Variants in DAB1 observed in about 807,000 individuals in gnomAD.
DAB1 encodes the protein disabled homolog 1.
In DAB1, 15 loss-of-function variants were observed where a neutral mutation model predicts 64.6. The observed-to-expected ratio is 0.23, with a 90% confidence interval of 0.16 to 0.36. The LOEUF (loss-of-function observed/expected upper bound fraction) is 0.36, where lower values mean the gene tolerates loss of function less well. Among genes scored for constraint, DAB1 ranks in the 10% least tolerant of loss-of-function variants. DAB1 has a pLI of 1.00. For missense variants in DAB1, 596 were observed against 706.7 expected, an observed-to-expected ratio of 0.84 and a Z score of 1.78; for synonymous variants, 235 against 251.9, an observed-to-expected ratio of 0.93 and a Z score of 0.64.
intron 4 of DAB1, among the ~76,000 whole-genome samples, chr1:58,210,685 T>C (rs1658509754): frequency 6.6e-6 from 1 of 152,206 alleles, no homozygotes; most frequent in South Asian, 2.1e-4. Flanking sequence ...CCATAATTGC[T>C]TTTTTTCCAG....
intron 4 of DAB1, among the ~76,000 whole-genome samples, chr1:57,073,620 G>A (rs1280779387): frequency 6.6e-6 from 1 of 152,082 alleles, no homozygotes; most frequent in African/African-American, 2.4e-5. Flanking sequence ...CAGGAGGCCT[G>A]AATTCCAGCT....
chr1:57,202,063 C>G (rs115293644), intron 2 of DAB1, among the ~76,000 whole-genome samples: 2 of 152,130 alleles, frequency 1.3e-5, no homozygotes, highest in Non-Finnish European at 1.5e-5. Flanking sequence ...CATATTTCTG[C>G]CAAGCAGAGG....
At chr1:57,950,755 A>G (rs188076338) in intron 5 of DAB1, among the ~76,000 whole-genome samples, 2 of 152,226 alleles carry the variant, frequency 1.3e-5, no homozygotes, top group Middle Eastern at 3.4e-3. Context: ...CTCCTCTTCA[A>G]TTCAGAATCA....
At chr1:58,214,956 G>A (rs772934495) in intron 4 of DAB1, among the ~76,000 whole-genome samples, 26 of 152,140 alleles carry the variant, frequency 1.7e-4, no homozygotes, top group Admixed American at 5.9e-4. Flanking sequence ...TTCCAGCATA[G>A]GATTTTCAGC....
At chr1:57,304,750 G>T (rs1179013366) in intron 1 of DAB1, among the ~76,000 whole-genome samples, 1 of 152,116 alleles carries the variant, frequency 6.6e-6, no homozygotes, top group African/African-American at 2.4e-5. Flanking sequence ...AGGTGTTTCT[G>T]ATATTTATTT....
At chr1:58,203,582 A>G (rs1303979199) in intron 4 of DAB1, among the ~76,000 whole-genome samples, 2 of 152,104 alleles carry the variant, frequency 1.3e-5, no homozygotes, top group African/African-American at 2.4e-5. Context: ...TCACTGGGAG[A>G]CTTGTTAAAA....
intron 7 of DAB1, among the ~76,000 whole-genome samples, chr1:57,510,427 A>C (rs1265691805): frequency 6.6e-6 from 1 of 151,744 alleles, no homozygotes; most frequent in Non-Finnish European, 1.5e-5. Context: ...GGGCTCTGGG[A>C]GCTTATGTCT....
At chr1:58,085,192 T>TGTG (rs1480460478) in intron 5 of DAB1, among the ~76,000 whole-genome samples, 2 of 152,202 alleles carry the variant, frequency 1.3e-5, no homozygotes, top group Non-Finnish European at 2.9e-5. Context: ...ATGGAGGAAT[T>TGTG]GGATCTATAC....
intron 3 of DAB1, among the ~76,000 whole-genome samples, chr1:58,408,033 C>T (rs1280413452): frequency 1.3e-5 from 2 of 152,168 alleles, no homozygotes; most frequent in South Asian, 2.1e-4. Context: ...TGGGTCTCAA[C>T]GTGTACTCCC....
intron 4 of DAB1, among the ~76,000 whole-genome samples, chr1:58,312,080 A>G (rs1268274640): frequency 1.3e-5 from 2 of 152,156 alleles, no homozygotes; most frequent in South Asian, 2.1e-4. Context: ...CATCAGACAC[A>G]AAGTTCCCTG....
intron 4 of DAB1, among the ~76,000 whole-genome samples, chr1:57,113,731 A>G (rs1655865695): frequency 6.6e-6 from 1 of 152,174 alleles, no homozygotes; most frequent in African/African-American, 2.4e-5. Flanking sequence ...CCTATAAGCC[A>G]TTGTAGTTTT....
chr1:57,744,139 A>AGG (rs1570788039), intron 6 of DAB1, among the ~76,000 whole-genome samples: 1 of 152,318 alleles, frequency 6.6e-6, no homozygotes, highest in African/African-American at 2.4e-5. Flanking sequence ...AGTTTATGGC[A>AGG]GGATTTTGGG....
intron 3 of DAB1, among the ~76,000 whole-genome samples, chr1:58,371,513 C>G (rs190281925): frequency 1.3e-5 from 2 of 152,158 alleles, no homozygotes; most frequent in African/African-American, 4.8e-5. Flanking sequence ...AATAAAAACC[C>G]ATTTTCTGGG....
chr1:57,194,854 A>G (rs375330197), intron 2 of DAB1, among the ~76,000 whole-genome samples: 275 of 152,320 alleles, frequency 1.8e-3, no homozygotes, highest in African/African-American at 6.5e-3. Context: ...ATTGCTGGCC[A>G]CAGCAATCAG....
At chr1:57,540,834 G>A (rs1249117194) in intron 7 of DAB1, among the ~76,000 whole-genome samples, 2 of 152,120 alleles carry the variant, frequency 1.3e-5, no homozygotes, top group Non-Finnish European at 2.9e-5. Flanking sequence ...TAGTGGGTAG[G>A]GGGAATGAAG....
chr1:57,056,311 T>C (rs1334826696), intron 9 of DAB1, among the ~76,000 whole-genome samples: 1 of 136,850 alleles, frequency 7.3e-6, no homozygotes, highest in Non-Finnish European at 1.5e-5. Context: ...CCACAGTGGG[T>C]AACATAGCAA....
intron 4 of DAB1, among the ~76,000 whole-genome samples, chr1:58,333,532 G>A (rs975724513): frequency 1.3e-5 from 2 of 152,232 alleles, no homozygotes; most frequent in African/African-American, 4.8e-5. Context: ...AAAACTGAGT[G>A]TATGGGTGCA....
At chr1:57,166,511 C>A (rs2100906197) in intron 2 of DAB1, among the ~76,000 whole-genome samples, 1 of 150,972 alleles carries the variant, frequency 6.6e-6, no homozygotes, top group African/African-American at 2.4e-5. Flanking sequence ...GAAGTCATGG[C>A]CCAGGTCAGC....
chr1:57,365,291 T>C (rs929593443), intron 1 of DAB1, among the ~76,000 whole-genome samples: 18 of 141,866 alleles, frequency 1.3e-4, no homozygotes, highest in Non-Finnish European at 2.4e-4. Context: ...ATTTATATAT[T>C]ATATAAAGAA....
Sources: gnomAD v4.1 joint callset for allele counts (sites outside exome capture counted in the v4.1 genomes callset) on GRCh38, gnomAD v4.1.1 for gene constraint, MANE v1.5 for transcripts, NCBI Gene and HGNC (gene_info 2026-07-23, HGNC 2026-07-21) for gene names.